The following C4orf33 variants were observed in gnomAD, a reference collection of about 807,000 sequenced individuals.
C4orf33 encodes the protein chromosome 4 open reading frame 33.
A neutral mutation model predicts 24.3 loss-of-function variants in C4orf33; 20 were observed. That is an observed-to-expected ratio of 0.82 (90% confidence interval 0.58 to 1.19). The LOEUF (loss-of-function observed/expected upper bound fraction) is 1.19, where lower values mean the gene tolerates loss of function less well. Ranked by LOEUF, C4orf33 falls within the 50% of genes most tolerant of loss-of-function variation. The pLI, the probability that C4orf33 is intolerant of heterozygous loss-of-function variation, is 0.00. For synonymous variants in C4orf33, 67 were observed against 76.4 expected (o/e 0.88, Z 0.64); for missense variants, 207 against 225.9 (o/e 0.92, Z 0.54).
chr4:129,103,284 G>T (rs1379226509), intron 2 of C4orf33, among the ~76,000 whole-genome samples: 1 of 152,066 alleles, frequency 6.6e-6, no homozygotes, highest in Non-Finnish European at 1.5e-5. Flanking sequence ...CTCCCAAAGT[G>T]CTGGGATTAC....
chr4:129,103,016 A>ATTTTTTTTTTTTTTTTTTT, intron 2 of C4orf33: 1 of 172,996 alleles, frequency 5.8e-6, no homozygotes, highest in Non-Finnish European at 1.1e-5. Context: ...ACAAATCCAG[A>ATTTTTTTTTTTTTTTTTTT]TTTTTTTTTT....
intron 1 of C4orf33, among the ~76,000 whole-genome samples, chr4:129,099,425 T>C (rs1185060755): frequency 6.6e-6 from 1 of 152,224 alleles, no homozygotes; most frequent in Non-Finnish European, 1.5e-5. Flanking sequence ...TGATCTGATA[T>C]GTAGTGTTAA....
rs1373383488 is a variant in C4orf33 at position 129,114,831 on chromosome 4, A to G, written c.*3040A>G. ...GGCTACCATGCAGAGCTAGAGTTAT[A>G]ACTATTAATGGAAGCAGTATAGAGT... is the stretch of plus-strand genomic sequence containing the variant. On this transcript the variant is annotated 3_prime_UTR_variant, in exon 6 of 6. Transcript: ENST00000425929. 1 of 152,206 alleles carries G rather than the reference A, an allele frequency of 6.6e-6. No homozygotes were observed. The highest frequency in any genetic ancestry group is 1.5e-5 in the Non-Finnish European group (1 of 68,052). 9.4% of individuals were successfully genotyped at this position (152,206 alleles called of 1,614,324 possible).
rs761197094 is a variant in C4orf33, at chr4:129,102,709, CA to C, written c.100del (p.Ile34LeufsTer34). 1 of 1,614,078 alleles carries C rather than the reference CA, an allele frequency of 6.2e-7. No individual in the cohort carries two copies. Among genetic ancestry groups the C allele is most frequent in the Non-Finnish European group, 8.5e-7 (1 of 1,179,930 alleles). ...NPGDRGVMMD[I>X]SAPFFRDPPA... ...CAGGTGACAGAGGAGTGATGATGGA[CA>C]TTAGTGCTCCATTTTTCAGGGATCC... On this transcript the variant is annotated frameshift_variant, in exon 2 of 6. Transcript: ENST00000425929. LOFTEE classifies it high-confidence loss of function.
At chr4:129,093,975 C>T (rs1443033948), upstream of C4orf33, 1 of 152,240 alleles carries the variant, frequency 6.6e-6, no homozygotes, top group Non-Finnish European at 1.5e-5. Flanking sequence ...GAATCTCCCA[C>T]CAAGGCTGTA....
At position 129,113,772 on chromosome 4, in the gene C4orf33, G is replaced by GGAAA. The variant is rs10701163; in HGVS notation, c.*1981_*1982insGAAA. The GGAAA allele has an allele frequency of 6.6e-6, 1 of 151,224 alleles. No individual in the cohort carries two copies. The highest frequency in any genetic ancestry group is 1.5e-5 in the Non-Finnish European group (1 of 67,830). The allele number at this position is 151,224 out of a possible 1,614,324, so 9.4% of individuals were successfully genotyped here. ...ACGTTAAAAAGGTTTTTTGCCACAG[G>GGAAA]AAAAAAAACATTTAATTTCCCCTCC... On this transcript the variant is annotated 3_prime_UTR_variant, in exon 6 of 6. Coordinates refer to ENST00000425929, the MANE Select transcript of C4orf33 (RefSeq NM_001099783.2).
chr4:129,104,064 C>G (rs1010607542), intron 2 of C4orf33, among the ~76,000 whole-genome samples: 1 of 152,150 alleles, frequency 6.6e-6, no homozygotes, highest in African/African-American at 2.4e-5. Context: ...AACTCACCTA[C>G]TTCTTTCATA....
At chr4:129,094,136 C>A (rs1753093031), upstream of C4orf33, 1 of 152,190 alleles carries the variant, frequency 6.6e-6, no homozygotes, top group Admixed American at 6.5e-5. Context: ...CTCAAAAGAT[C>A]TTGCAAATTC....
Position 129,110,354 on chromosome 4 carries a change from G to A in C4orf33, c.494+682G>A, listed in dbSNP as rs56020730. Among the ~76,000 whole-genome samples the A allele has an allele frequency of 8.9e-3, 1,355 of 152,286 alleles. 15 individuals are homozygous for A. Among genetic ancestry groups the A allele is most frequent in the African/African-American group, 0.028 (1,156 of 41,550 alleles). ...GCATTTGAGCCAAGTTATCTGCTAT[G>A]CTTTCTCAATTTGAGTCTTGTTTCC... On this transcript the variant is annotated intron_variant, in intron 5 of 5. Coordinates refer to ENST00000425929, the MANE Select transcript of C4orf33 (RefSeq NM_001099783.2).
intron 5 of C4orf33, 171 bp downstream of exon 5, chr4:129,109,843 G>A: frequency 1.1e-6 from 1 of 944,586 alleles, no homozygotes; most frequent in Non-Finnish European, 1.5e-6. Context: ...GAAAACTTTG[G>A]ACTGTCATAA....
chr4:129,110,544 C>T (rs919589691), intron 5 of C4orf33, among the ~76,000 whole-genome samples: 1 of 152,080 alleles, frequency 6.6e-6, no homozygotes. Flanking sequence ...TCACTATGGC[C>T]AAGGTAGTCT....
In C4orf33 at chr4:129,109,533, T is replaced by C; in HGVS notation, c.355T>C (p.Tyr119His). 1 of 1,614,032 alleles carries C rather than the reference T, an allele frequency of 6.2e-7. No homozygotes were observed. Among genetic ancestry groups the C allele is most frequent in the Non-Finnish European group, 8.5e-7 (1 of 1,179,896 alleles). The change falls in exon 5 of 6, where the codon TAT becomes CAT. Residue 119 changes from tyrosine to histidine, a missense_variant. Coordinates refer to ENST00000425929, the MANE Select transcript of C4orf33 (RefSeq NM_001099783.2). ...AGAGACAAAATGGGAAGGCAAAGCTTATCTCCCTTGGAGTTATTTTCCACC... is the reference window on the plus strand; with the variant it reads ...AGAGACAAAATGGGAAGGCAAAGCTCATCTCCCTTGGAGTTATTTTCCACC... Reference protein sequence around the residue: ...RGETKWEGKAYLPWSYFPPNV... With the variant: ...RGETKWEGKAHLPWSYFPPNV...
chr4:129,109,636 C>A lies in C4orf33; in HGVS notation c.458C>A (p.Pro153His), dbSNP rs759508018. ...AGTTATGAAGCTCTTTACCCTGTACCTCAGCATGAACTGCAGCAAGGACAA... is the reference window on the plus strand; with the variant it reads ...AGTTATGAAGCTCTTTACCCTGTACATCAGCATGAACTGCAGCAAGGACAA... The part of the protein sequence containing the change: ...KRSYEALYPV[P>H]QHELQQGQKP... Residue 153 changes from proline to histidine, a missense_variant, in exon 5 of 6, where the codon CCT (proline) becomes CAT (histidine). Pro to His is a moderately conservative substitution (Grantham distance 77, BLOSUM62 -2). Transcript: ENST00000425929. 1.2e-6 allele frequency: 2 copies of A among 1,613,910 alleles called. No homozygotes were observed. The highest frequency in any genetic ancestry group is 1.1e-5 in the South Asian group (1 of 91,066).
chr4:129,095,109 A>T (rs934887885), upstream of C4orf33, among the ~76,000 whole-genome samples: 1 of 152,150 alleles, frequency 6.6e-6, no homozygotes, highest in African/African-American at 2.4e-5. Context: ...TGATCATGAT[A>T]GTTTTTTGTT....
At chr4:129,109,439 T>G (rs1753620092) in intron 4 of C4orf33, 34 bp from the exon 5 acceptor site, 15 of 1,606,194 alleles carry the variant, frequency 9.3e-6, no homozygotes, top group Non-Finnish European at 1.2e-5. Context: ...TAAGCCCAAT[T>G]TTATCTTTTG....
intron 3 of C4orf33, among the ~76,000 whole-genome samples, chr4:129,107,304 G>A (rs559225617): frequency 6.6e-6 from 1 of 151,948 alleles, no homozygotes; most frequent in African/African-American, 2.4e-5. Flanking sequence ...TGTTTACCTG[G>A]TTGGCAAACT....
In C4orf33 at chr4:129,112,641, A is replaced by C. The variant is rs891693216; in HGVS notation, c.*850A>C. 1.3e-5 allele frequency: 2 copies of C among 152,198 alleles called. No individual in the cohort carries two copies. The highest frequency in any genetic ancestry group is 4.8e-5 in the African/African-American group (2 of 41,462). 9.4% of individuals were successfully genotyped at this position (152,198 alleles called of 1,614,324 possible). On this transcript the variant is annotated 3_prime_UTR_variant, in exon 6 of 6. Coordinates refer to ENST00000425929, the MANE Select transcript of C4orf33 (RefSeq NM_001099783.2). ...ATGTAAATTAATTCCTTAATAAAAT[A>C]CTATTATAAAATAAGCTGTAAATTA...
At chr4:129,097,773 C>T (rs560176593) in intron 1 of C4orf33, among the ~76,000 whole-genome samples, 31 of 152,334 alleles carry the variant, frequency 2.0e-4, no homozygotes, top group African/African-American at 7.2e-4. Context: ...GAGGCTATAT[C>T]AATTATGCCT....
intron 2 of C4orf33, among the ~76,000 whole-genome samples, chr4:129,105,919 TG>T (rs1395704849): frequency 1.3e-5 from 2 of 152,218 alleles, no homozygotes; most frequent in Non-Finnish European, 2.9e-5. Flanking sequence ...TTAACATTTT[TG>T]TGCACATTTT....
Sources: gnomAD v4.1 joint callset for allele counts (sites outside exome capture counted in the v4.1 genomes callset) on GRCh38, gnomAD v4.1.1 for gene constraint, MANE v1.5 for transcripts, NCBI Gene and HGNC (gene_info 2026-07-23, HGNC 2026-07-21) for gene names.